MAP3K13: variants seen among roughly 807,000 people sequenced by gnomAD.
MAP3K13 encodes mitogen-activated protein kinase kinase kinase 13.
In MAP3K13, 52 loss-of-function variants were observed where a neutral mutation model predicts 104.0. That is an observed-to-expected ratio of 0.50 (90% CI 0.40 to 0.63). The LOEUF (loss-of-function observed/expected upper bound fraction) is 0.63. MAP3K13 is among the 20% of genes least tolerant of loss of function. The pLI is 0.00. For missense variants in MAP3K13, 914 were observed against 1,218.5 expected (o/e 0.75, Z 3.72); for synonymous variants, 394 against 442.2 (o/e 0.89, Z 1.37).
chr3:185,390,621 A>ATTTTTTT (rs750832762), intron 1 of MAP3K13, among the ~76,000 whole-genome samples: 40 of 123,686 alleles, frequency 3.2e-4, no homozygotes, highest in African/African-American at 1.1e-3. Context: ...TACAGTCAGA[A>ATTTTTTT]TTTTTTTTTT....
chr3:185,292,030 C>T lies in MAP3K13; in HGVS notation c.-86+6387C>T, dbSNP rs144202562. ...TAAAAAGTTGAGTTAACAGGCTGGGCACGGTGGCTCATGCCTGTAATCCCA... is the reference window on the plus strand; with the variant it reads ...TAAAAAGTTGAGTTAACAGGCTGGGTACGGTGGCTCATGCCTGTAATCCCA... On this transcript the variant is annotated intron_variant, in intron 2 of 14. Coordinates refer to the MAP3K13 transcript ENST00000424227. The T allele has an allele frequency of 2.5e-3, 2,510 of 991,446 alleles. 61 individuals carry two copies. In the African/African-American group the frequency reaches 0.04, roughly 16 times the overall value. 61.4% of individuals were successfully genotyped at this position (991,446 alleles called of 1,614,324 possible).
In MAP3K13 at chr3:185,450,825, C is replaced by T. The variant is rs1223517954; in HGVS notation, c.1170-462C>T. Among the ~76,000 whole-genome samples the T allele has an allele frequency of 6.6e-6, 1 of 152,116 alleles. No homozygotes were observed. Among genetic ancestry groups the T allele is most frequent in the African/African-American group, 2.4e-5 (1 of 41,424 alleles). On this transcript the variant is annotated intron_variant, in intron 6 of 13. Transcript: ENST00000265026. This position sits in a 1 kb window ranked among gnomAD's most constrained non-coding sequence, Gnocchi z 4.2. ...ATGTTAAGGGCCGGGTACGGTGGCT[C>T]ACGCCTGTAATCCCAGCACTTTAGG...
intron 1 of MAP3K13, among the ~76,000 whole-genome samples, chr3:185,380,850 G>A (rs1411028352): frequency 1.3e-5 from 2 of 152,012 alleles, no homozygotes; most frequent in African/African-American, 2.4e-5. Context: ...CATAAGGCAG[G>A]CACTCCAAGA....
At chr3:185,297,098 A>G (rs1158234422) in intron 2 of MAP3K13, among the ~76,000 whole-genome samples, 1 of 152,196 alleles carries the variant, frequency 6.6e-6, no homozygotes, top group Non-Finnish European at 1.5e-5. Context: ...AGAAACCCAG[A>G]AAACCTATTT....
intron 1 of MAP3K13, among the ~76,000 whole-genome samples, chr3:185,401,918 G>A (rs183230689): frequency 1.1e-3 from 160 of 152,168 alleles, no homozygotes; most frequent in Non-Finnish European, 1.7e-3. Flanking sequence ...CTGGAAACCC[G>A]GATTATTTGC....
At chr3:185,351,224 C>T (rs778199732) in intron 2 of MAP3K13, among the ~76,000 whole-genome samples, 1 of 152,162 alleles carries the variant, frequency 6.6e-6, no homozygotes, top group Non-Finnish European at 1.5e-5. Flanking sequence ...AGGATGCAGA[C>T]TGAAAAACTA....
chr3:185,435,096 C>T (rs1002266903), intron 2 of MAP3K13, among the ~76,000 whole-genome samples: 12 of 151,844 alleles, frequency 7.9e-5, no homozygotes, highest in Non-Finnish European at 1.5e-4. Flanking sequence ...CTCTGCCTCC[C>T]GGGTTCAAGC....
At chr3:185,284,952 G>A (rs932313614) in intron 1 of MAP3K13, among the ~76,000 whole-genome samples, 1 of 152,022 alleles carries the variant, frequency 6.6e-6, no homozygotes, top group Non-Finnish European at 1.5e-5. Flanking sequence ...GCTACATAAT[G>A]AGATAGCAGC....
rs1407018422 is a variant in MAP3K13, at chr3:185,450,847, T to C, written c.1170-440T>C. On this transcript the variant is annotated intron_variant, in intron 6 of 13. Transcript: ENST00000265026. The surrounding 1 kb of genome is among the most constrained non-coding windows in gnomAD (Gnocchi z 4.2). ...GCTCACGCCTGTAATCCCAGCACTTTAGGAGGCCGAGGCGGGCGTATCACG... is the reference window on the plus strand; with the variant it reads ...GCTCACGCCTGTAATCCCAGCACTTCAGGAGGCCGAGGCGGGCGTATCACG... 6.6e-6 allele frequency among the ~76,000 whole-genome samples: 1 copy of C among 152,096 alleles called. No individual in the cohort carries two copies. The highest frequency in any genetic ancestry group is 1.5e-5 in the Non-Finnish European group (1 of 68,014).
At chr3:185,463,062 T>C (rs577183913) in intron 7 of MAP3K13, among the ~76,000 whole-genome samples, 1 of 152,334 alleles carries the variant, frequency 6.6e-6, no homozygotes, top group African/African-American at 2.4e-5. Context: ...CTGCTGTTCA[T>C]GCCTGTAGGG....
intron 1 of MAP3K13, among the ~76,000 whole-genome samples, chr3:185,412,889 C>T (rs1002647158): frequency 6.6e-6 from 1 of 152,174 alleles, no homozygotes; most frequent in African/African-American, 2.4e-5. Context: ...TCCTATTCAC[C>T]TTTTCCTCCA....
At chr3:185,447,607 C>T (rs1344069749) in intron 4 of MAP3K13, among the ~76,000 whole-genome samples, 182 bp from the exon 5 acceptor site, 1 of 151,424 alleles carries the variant, frequency 6.6e-6, no homozygotes, top group Non-Finnish European at 1.5e-5. Flanking sequence ...CGCTAAACTG[C>T]CTCACAAGTA....
chr3:185,366,834 C>G (rs1723912518), intron 1 of MAP3K13, among the ~76,000 whole-genome samples: 1 of 152,214 alleles, frequency 6.6e-6, no homozygotes, highest in Non-Finnish European at 1.5e-5. Context: ...TGGACACAAG[C>G]TCTTTATCAG....
intron 2 of MAP3K13, among the ~76,000 whole-genome samples, chr3:185,338,314 A>C (rs529979667): frequency 2.1e-4 from 30 of 141,976 alleles, no homozygotes; most frequent in Admixed American, 2.0e-3. Flanking sequence ...TGGGTGACAG[A>C]GTGAGACTCT....
At chr3:185,387,643 A>T (rs974361153) in intron 1 of MAP3K13, among the ~76,000 whole-genome samples, 2 of 152,210 alleles carry the variant, frequency 1.3e-5, no homozygotes, top group East Asian at 3.9e-4. Context: ...AAAACTTTCA[A>T]CAAATTAGTC....
intron 12 of MAP3K13, among the ~76,000 whole-genome samples, chr3:185,478,597 C>A (rs532107091): frequency 8.6e-5 from 13 of 152,032 alleles, no homozygotes; most frequent in Non-Finnish European, 1.8e-4. Context: ...GGCATAAAAT[C>A]TCTTTGTACT....
At position 185,465,818 on chromosome 3, in the gene MAP3K13, G is replaced by A. The variant is rs1560127635; in HGVS notation, c.1460G>A (p.Ser487Asn). Residue 487 changes from serine to asparagine, a missense_variant, in exon 9 of 14, where the codon AGT becomes AAT. This residue lies in a region of MAP3K13 where 583 missense variants were observed against 737.4 expected (regional missense o/e 0.79). Transcript: ENST00000265026. ...GCGAATAATTTATACATGGAATTGA[G>A]TGCCATCATGCTGCAGCTAGAAATG... ...ERANNLYMEL[S>N]AIMLQLEMRE... The A allele has an allele frequency of 6.2e-7, 1 of 1,614,120 alleles. No homozygotes were observed. Among genetic ancestry groups the A allele is most frequent in the Non-Finnish European group, 8.5e-7 (1 of 1,179,966 alleles).
intron 2 of MAP3K13, among the ~76,000 whole-genome samples, chr3:185,326,069 A>G (rs955995520): frequency 6.6e-6 from 1 of 152,002 alleles, no homozygotes; most frequent in Non-Finnish European, 1.5e-5. Flanking sequence ...CTGAATATTG[A>G]GTTTTCCCCA....
chr3:185,424,850 G>A (rs1714325026), intron 1 of MAP3K13, among the ~76,000 whole-genome samples: 2 of 151,962 alleles, frequency 1.3e-5, no homozygotes, highest in South Asian at 4.1e-4. Flanking sequence ...TTTGAGACAG[G>A]GCCTTGCTCT....
Sources: gnomAD v4.1 joint callset for allele counts (sites outside exome capture counted in the v4.1 genomes callset) on GRCh38, gnomAD v4.1.1 for gene constraint, gnomAD v4.1.1 regional missense constraint, Gnocchi (gnomAD v3.1) non-coding constraint, MANE v1.5 for transcripts, NCBI Gene and HGNC (gene_info 2026-07-23, HGNC 2026-07-21) for gene names.